Variants in NAV3 observed in about 807,000 individuals in gnomAD.
The protein encoded by NAV3 is pore membrane and/or filament interacting like protein 1.
A neutral mutation model predicts 244.7 loss-of-function variants in NAV3; 87 were observed. The ratio of observed to expected loss-of-function variants is 0.36; its 90% CI spans 0.30 to 0.42. The LOEUF (loss-of-function observed/expected upper bound fraction) is 0.42. Ranked by LOEUF, NAV3 falls within the 20% of genes least tolerant of loss-of-function variation. The probability of loss-of-function intolerance (pLI) is 1.00; values close to 1 mark genes in which losing one functional copy is unlikely to be tolerated. For synonymous variants in NAV3, 1,126 were observed against 1,042.2 expected (o/e 1.08, Z -1.55); for missense variants, 2,663 against 2,893.3 (o/e 0.92, Z 1.83).
intron 2 of NAV3, among the ~76,000 whole-genome samples, chr12:77,728,038 G>A (rs1876958675): frequency 6.6e-6 from 1 of 151,664 alleles, no homozygotes; most frequent in African/African-American, 2.4e-5. Context: ...AAATATTTCT[G>A]CTCCTCTGAT....
intron 1 of NAV3, among the ~76,000 whole-genome samples, chr12:77,882,832 CTCA>C (rs1171332506): frequency 6.6e-6 from 1 of 152,098 alleles, no homozygotes; most frequent in African/African-American, 2.4e-5. Flanking sequence ...TGAAAAAATG[CTCA>C]TCATTGCTCA....
chr12:78,016,664 C>T (rs1876268445), intron 8 of NAV3, among the ~76,000 whole-genome samples: 1 of 152,114 alleles, frequency 6.6e-6, no homozygotes, highest in Non-Finnish European at 1.5e-5. Flanking sequence ...ACAGGAATTA[C>T]AATACCATTA....
Position 78,208,381 on chromosome 12 carries a change from T to A in NAV3, c.7039-2017T>A, listed in dbSNP as rs530814423. ...CATCCCAACACTGCCACAATGGGGA[T>A]AAAATTTCGACAAGAGTTTCGGAAG... On this transcript the variant is annotated intron_variant, in intron 39 of 39. Coordinates refer to ENST00000397909, the MANE Select transcript of NAV3 (RefSeq NM_001024383.2). Among the ~76,000 whole-genome samples the A allele has an allele frequency of 2.0e-4, 30 of 152,236 alleles. No homozygotes were observed. In the East Asian group the frequency reaches 5.6e-3, roughly 28 times the overall value.
chr12:78,056,281 T>G (rs1397163017), intron 11 of NAV3: 1 of 152,204 alleles, frequency 6.6e-6, no homozygotes, highest in Non-Finnish European at 1.5e-5. Flanking sequence ...CTGGACTTAT[T>G]GCTCATCAGC....
At chr12:77,881,327 G>A (rs1882618661) in intron 1 of NAV3, among the ~76,000 whole-genome samples, 1 of 152,062 alleles carries the variant, frequency 6.6e-6, no homozygotes, top group Non-Finnish European at 1.5e-5. Context: ...TGAAATCCTA[G>A]GTCACTATAG....
chr12:78,178,110 T>C (rs1451877244), intron 28 of NAV3, among the ~76,000 whole-genome samples: 3 of 151,838 alleles, frequency 2.0e-5, no homozygotes, highest in Non-Finnish European at 2.9e-5. Flanking sequence ...TACAACAATA[T>C]TTTCTGATAA....
Position 78,007,281 on chromosome 12 carries a change from C to A in NAV3, c.1743C>A (p.Ala581=), listed in dbSNP as rs758893961. 6.2e-7 allele frequency: 1 copy of A among 1,614,040 alleles called. No individual in the cohort carries two copies. Among genetic ancestry groups the A allele is most frequent in the African/African-American group, 1.3e-5 (1 of 74,922 alleles). ...AAGCAAGTGCTTCTAGTTGTCCTGC[C>A]CCTTTGGAAGGAAGGGAAGCTGGCC... ...MEKASASSCP[A]PLEGREAGQA... The change falls in exon 8 of 40, where the codon GCC becomes GCA. Residue 581 remains alanine (A), a synonymous_variant. Coordinates refer to ENST00000397909, the MANE Select transcript of NAV3 (RefSeq NM_001024383.2).
At chr12:77,641,956 A>G (rs1435715388) in intron 2 of NAV3, among the ~76,000 whole-genome samples, 3 of 152,174 alleles carry the variant, frequency 2.0e-5, no homozygotes, top group Non-Finnish European at 4.4e-5. Flanking sequence ...ACGGGCAGGC[A>G]GATACTTAGC....
At chr12:77,772,927 G>T (rs1369209693) in intron 2 of NAV3, among the ~76,000 whole-genome samples, 1 of 152,112 alleles carries the variant, frequency 6.6e-6, no homozygotes, top group Non-Finnish European at 1.5e-5. Flanking sequence ...GACTTGTCAT[G>T]AATAACAGAT....
intron 2 of NAV3, among the ~76,000 whole-genome samples, chr12:77,695,332 C>A (rs1324117652): frequency 6.6e-6 from 1 of 152,028 alleles, no homozygotes; most frequent in African/African-American, 2.4e-5. Flanking sequence ...TTGTATATGG[C>A]AAGAGACAGT....
Position 77,941,059 on chromosome 12 carries a change from T to C in NAV3, c.362-22T>C, listed in dbSNP as rs749399841. 9.9e-6 allele frequency: 15 copies of C among 1,516,802 alleles called. No individual in the cohort carries two copies. The South Asian group carries it at 1.8e-4, about 18-fold the overall frequency. The allele number at this position is 1,516,802 out of a possible 1,614,324, so 94.0% of individuals were successfully genotyped here. A position where few individuals can be genotyped will look rare whatever the true frequency, so the allele number is the denominator to read the frequency against. ...GCATGTCGTTCTTTTTTTCTCTCTT[T>C]TATTTTATCTCTTGGCTTTAGCAAA... On this transcript the variant is annotated intron_variant, in intron 2 of 39. Coordinates refer to ENST00000397909, the MANE Select transcript of NAV3 (RefSeq NM_001024383.2).
intron 12 of NAV3, among the ~76,000 whole-genome samples, chr12:78,082,086 G>A (rs1005315746): frequency 2.0e-5 from 3 of 152,166 alleles, no homozygotes; most frequent in Admixed American, 6.5e-5. Flanking sequence ...AGTCTCATGA[G>A]ATCTGATGGT....
chr12:77,825,061 T>C (rs1872918088), intron 2 of NAV3, among the ~76,000 whole-genome samples: 1 of 152,170 alleles, frequency 6.6e-6, no homozygotes. Context: ...GAAAATACAA[T>C]GGTGTGGCAT....
chr12:77,740,648 A>C (rs1263558545), intron 2 of NAV3, among the ~76,000 whole-genome samples: 1 of 152,154 alleles, frequency 6.6e-6, no homozygotes, highest in Admixed American at 6.5e-5. Context: ...GATAAATCCC[A>C]TTTTCAGGTT....
chr12:77,839,332 G>A (rs1006869020), intron 1 of NAV3, among the ~76,000 whole-genome samples: 14 of 152,118 alleles, frequency 9.2e-5, no homozygotes, highest in African/African-American at 3.4e-4. Flanking sequence ...TATATCAATT[G>A]CTCCATATTT....
At chr12:77,579,074 T>C (rs566838852) in intron 2 of NAV3, among the ~76,000 whole-genome samples, 1 of 152,274 alleles carries the variant, frequency 6.6e-6, no homozygotes, top group African/African-American at 2.4e-5. Flanking sequence ...AAAAAATGAC[T>C]GGCATTATAA....
intron 2 of NAV3, among the ~76,000 whole-genome samples, chr12:77,747,101 T>C (rs1292083929): frequency 6.6e-6 from 1 of 152,170 alleles, no homozygotes; most frequent in East Asian, 1.9e-4. Flanking sequence ...TACATTTACG[T>C]AACAATAGAT....
chr12:78,069,617 C>T (rs534783588), intron 12 of NAV3, among the ~76,000 whole-genome samples: 120 of 151,954 alleles, frequency 7.9e-4, no homozygotes, highest in African/African-American at 2.6e-3. Flanking sequence ...AATTACATAT[C>T]TAAAGAGCTA....
At chr12:77,802,722 G>T (rs142222657) in intron 2 of NAV3, among the ~76,000 whole-genome samples, 50 of 152,116 alleles carry the variant, frequency 3.3e-4, no homozygotes, top group African/African-American at 1.1e-3. Flanking sequence ...GAGTGTAGTG[G>T]CTTGATCTCG....
Sources: gnomAD v4.1 joint callset for allele counts (sites outside exome capture counted in the v4.1 genomes callset) on GRCh38, gnomAD v4.1.1 for gene constraint, MANE v1.5 for transcripts, NCBI Gene and HGNC (gene_info 2026-07-23, HGNC 2026-07-21) for gene names.